Variants in SGCZ observed in about 807,000 individuals in gnomAD.
The protein encoded by SGCZ is zeta-sarcoglycan.
A neutral mutation model predicts 41.3 loss-of-function variants in SGCZ; 40 were observed. The observed-to-expected ratio is 0.97, with a 90% CI of 0.75 to 1.26. The LOEUF is 1.26. SGCZ is among the 50% of genes most tolerant of loss of function. SGCZ has a pLI of 0.00. For synonymous variants in SGCZ, 206 were observed against 137.5 expected (o/e 1.50, Z -3.49); for missense variants, 552 against 369.8 (o/e 1.49, Z -4.04).
chr8:14,305,933 A>C (rs921419942), intron 3 of SGCZ, among the ~76,000 whole-genome samples: 1 of 152,132 alleles, frequency 6.6e-6, no homozygotes, highest in Non-Finnish European at 1.5e-5. Flanking sequence ...CTAACCTCCT[A>C]CTGGATGAGA....
chr8:14,426,845 T>A (rs1390341436), intron 2 of SGCZ, among the ~76,000 whole-genome samples: 5 of 152,114 alleles, frequency 3.3e-5, no homozygotes, highest in African/African-American at 1.2e-4. Context: ...AGGGATTGAA[T>A]GGATCAAAAA....
Position 15,000,804 on chromosome 8 carries a change from G to A in SGCZ, c.39+236781C>T, listed in dbSNP as rs192983750. Among the ~76,000 whole-genome samples the A allele has an allele frequency of 5.1e-3, 777 of 152,226 alleles. 5 individuals are homozygous for A. Among genetic ancestry groups the A allele is most frequent in the Non-Finnish European group, 5.1e-3 (344 of 68,018 alleles). On this transcript the variant is annotated intron_variant, in intron 1 of 7. Transcript: ENST00000382080. ...CTGCCTATAAAATCTGCTGCAGTCC[G>A]CCATCTACCCGCTTTTTGGATGTCT...
chr8:14,584,392 G>A (rs1209460227), intron 1 of SGCZ, among the ~76,000 whole-genome samples: 2 of 152,068 alleles, frequency 1.3e-5, no homozygotes, highest in Non-Finnish European at 2.9e-5. Context: ...AGATCTTGGA[G>A]GGCTTACATT....
At chr8:14,868,934 G>A (rs574451827) in intron 1 of SGCZ, among the ~76,000 whole-genome samples, 16 of 152,136 alleles carry the variant, frequency 1.1e-4, no homozygotes, top group South Asian at 1.0e-3. Context: ...TTCTGGAATC[G>A]AGGCAGTAAT....
rs150736199 is a variant in SGCZ, at chr8:15,153,439, G to C, written c.39+84146C>G. ...AATGCCAGACAGCTTGCCAGACAGA[G>C]AGACACATCACAGAGTCTGTATTAG... On this transcript the variant is annotated intron_variant, in intron 1 of 7. Transcript: ENST00000382080. 4.5e-3 allele frequency among the ~76,000 whole-genome samples: 689 copies of C among 152,316 alleles called. 4 individuals are homozygous for C. The highest frequency in any genetic ancestry group is 0.016 in the African/African-American group (667 of 41,560).
intron 1 of SGCZ, among the ~76,000 whole-genome samples, chr8:14,974,105 C>T (rs961284784): frequency 2.6e-5 from 4 of 152,158 alleles, no homozygotes; most frequent in Non-Finnish European, 5.9e-5. Context: ...CTTGTTGACA[C>T]TGTGCAAAAT....
intron 2 of SGCZ, among the ~76,000 whole-genome samples, chr8:14,379,890 C>T (rs956194760): frequency 6.6e-6 from 1 of 152,002 alleles, no homozygotes; most frequent in East Asian, 1.9e-4. Flanking sequence ...TGCCACCACG[C>T]CCGCCTACTT....
At chr8:15,169,079 C>T (rs1799751571) in intron 1 of SGCZ, among the ~76,000 whole-genome samples, 1 of 152,162 alleles carries the variant, frequency 6.6e-6, no homozygotes, top group South Asian at 2.1e-4. Flanking sequence ...CCATCAAACT[C>T]TAGTCATGCA....
chr8:14,282,338 C>T (rs1585316341), intron 3 of SGCZ, among the ~76,000 whole-genome samples: 1 of 74,246 alleles, frequency 1.3e-5, no homozygotes, highest in East Asian at 4.2e-4. Context: ...TGTCTGTCTG[C>T]CAAAAATCCC....
chr8:14,463,037 T>G (rs1295199661), intron 2 of SGCZ, among the ~76,000 whole-genome samples: 1 of 151,836 alleles, frequency 6.6e-6, no homozygotes, highest in Non-Finnish European at 1.5e-5. Flanking sequence ...TTGACTAATA[T>G]TCTGCTACTT....
intron 5 of SGCZ, chr8:14,162,587 C>T (rs1231963124): frequency 1.3e-5 from 2 of 152,274 alleles, no homozygotes; most frequent in African/African-American, 4.8e-5. Flanking sequence ...ACTCAGGACT[C>T]AAGAAGGTCA....
chr8:14,597,083 C>A (rs1435703251), intron 1 of SGCZ, among the ~76,000 whole-genome samples: 1 of 152,122 alleles, frequency 6.6e-6, no homozygotes, highest in Non-Finnish European at 1.5e-5. Context: ...AAACTAGAAG[C>A]AACTATGAAC....
rs73517204 is a variant in SGCZ at position 14,590,221 on chromosome 8, G to A, written c.40-35295C>T. Among the ~76,000 whole-genome samples the A allele has an allele frequency of 8.4e-3, 1,275 of 152,144 alleles. 13 individuals are homozygous for A. Among genetic ancestry groups the A allele is most frequent in the African/African-American group, 0.029 (1,215 of 41,530 alleles). On this transcript the variant is annotated intron_variant, in intron 1 of 7. Coordinates refer to ENST00000382080, the MANE Select transcript of SGCZ (RefSeq NM_139167.4). ...GATTTAAATATCTTATGTCTACTAG[G>A]ACAGAGGATATGAATAAAAAAGCAA...
At chr8:15,210,816 T>C (rs1341282593) in intron 1 of SGCZ, among the ~76,000 whole-genome samples, 1 of 152,134 alleles carries the variant, frequency 6.6e-6, no homozygotes, top group African/African-American at 2.4e-5. Context: ...AGCAATCTCC[T>C]ATTGGCCGTT....
At chr8:14,153,527 G>A (rs534525941) in intron 5 of SGCZ, among the ~76,000 whole-genome samples, 15 of 152,240 alleles carry the variant, frequency 9.9e-5, no homozygotes, top group African/African-American at 3.6e-4. Flanking sequence ...CTGTCACTGA[G>A]AAGAACAAAG....
At chr8:14,934,538 A>G (rs1336874929) in intron 1 of SGCZ, among the ~76,000 whole-genome samples, 1 of 151,880 alleles carries the variant, frequency 6.6e-6, no homozygotes, top group African/African-American at 2.4e-5. Flanking sequence ...AGAACTGAAG[A>G]AAATACGAAG....
rs1432694088 is a variant in SGCZ at position 14,702,838 on chromosome 8, TAGATA to T, written c.40-147917_40-147913del. On this transcript the variant is annotated intron_variant, in intron 1 of 7. Coordinates refer to ENST00000382080, the MANE Select transcript of SGCZ (RefSeq NM_139167.4). Reference sequence around the variant, plus strand: ...GTAGATAGATAGATAGATAGATAGATAGATAGATAGATAGATAGATAGATAGATAG... The same window carrying T: ...GTAGATAGATAGATAGATAGATAGATGATAGATAGATAGATAGATAGATAG... Among the ~76,000 whole-genome samples, 361 of 99,998 alleles carry T rather than the reference TAGATA, an allele frequency of 3.6e-3. 3 individuals are homozygous for T. Among genetic ancestry groups the T allele is most frequent in the Middle Eastern group, 0.012 (2 of 172 alleles). 65.6% of individuals were successfully genotyped at this position (99,998 alleles called of 152,430 possible).
intron 2 of SGCZ, among the ~76,000 whole-genome samples, chr8:14,338,029 T>C (rs146839450): frequency 9.1e-4 from 139 of 152,286 alleles, no homozygotes; most frequent in African/African-American, 3.3e-3. Context: ...ACAAAGGTCC[T>C]GTTCAATTGG....
intron 1 of SGCZ, among the ~76,000 whole-genome samples, chr8:14,899,596 T>G (rs1002331741): frequency 6.6e-6 from 1 of 152,168 alleles, no homozygotes; most frequent in African/African-American, 2.4e-5. Context: ...AGCTTCCCCA[T>G]GCTTGGAGGC....
Sources: allele counts gnomAD v4.1 joint callset (sites outside exome capture counted in the v4.1 genomes callset), GRCh38; gene constraint gnomAD v4.1.1; transcripts MANE v1.5; gene names NCBI Gene and HGNC (gene_info 2026-07-23, HGNC 2026-07-21).